The following MAPRE1 variants were observed in gnomAD, a reference collection of about 807,000 sequenced individuals.
MAPRE1 encodes the protein microtubule associated protein RP/EB family member 1.
MAPRE1 carries 5 observed loss-of-function variants against 32.1 expected under a neutral mutation model. The observed-to-expected ratio is 0.16, with a 90% CI of 0.08 to 0.33. The LOEUF is 0.33. Among genes scored for constraint, MAPRE1 ranks in the 10% least tolerant of loss-of-function variants. The pLI, the probability that MAPRE1 is intolerant of heterozygous loss-of-function variation, is 1.00. For missense variants in MAPRE1, 209 were observed against 327.2 expected (o/e 0.64, Z 2.79); for synonymous variants, 122 against 118.9 (o/e 1.03, Z -0.17).
intron 2 of MAPRE1, among the ~76,000 whole-genome samples, chr20:32,831,169 G>C (rs1335848470): frequency 6.6e-6 from 1 of 152,010 alleles, no homozygotes; most frequent in Non-Finnish European, 1.5e-5. Flanking sequence ...TAAAGGCCAG[G>C]TGTGGTAGTT....
rs71190880 is a variant in MAPRE1 at position 32,844,439 on chromosome 20, CTTTTTTTTTTTTTTT to C, written c.598-2162_598-2148del. 2.3e-3 allele frequency among the ~76,000 whole-genome samples: 118 copies of C among 52,070 alleles called. No homozygotes were observed. The Middle Eastern group carries it at 0.068, about 30-fold the overall frequency. 34.2% of individuals were successfully genotyped at this position (52,070 alleles called of 152,430 possible). On this transcript the variant is annotated intron_variant, in intron 5 of 6. Coordinates refer to ENST00000375571, the MANE Select transcript of MAPRE1 (RefSeq NM_012325.3). Reference sequence around the variant, plus strand: ...CTAGGTGGATACCAAGCTAGCATTCCTTTTTTTTTTTTTTTTTTTTTTTTTTTTTTTGTGGCGTGA... The same window carrying C: ...CTAGGTGGATACCAAGCTAGCATTCCTTTTTTTTTTTTTTTTGTGGCGTGA...
chr20:32,836,831 T>G lies in MAPRE1; in HGVS notation c.465T>G (p.Ser155=). The change falls in exon 4 of 7, where the codon TCT becomes TCG. Residue 155 remains serine (S), a synonymous_variant. Coordinates refer to ENST00000375571, the MANE Select transcript of MAPRE1 (RefSeq NM_012325.3). ...ATAAACCGAAGAAACCTCTCACTTC[T>G]AGCAGTGCAGGTAAAAAAACAACCC... ...ALNKPKKPLT[S]SSAAPQRPIS... is the part of the protein sequence containing the mutation. The G allele has an allele frequency of 6.2e-7, 1 of 1,601,484 alleles. No individual in the cohort carries two copies. The highest frequency in any genetic ancestry group is 8.5e-7 in the Non-Finnish European group (1 of 1,176,848).
Position 32,850,224 on chromosome 20 carries a change from A to G in MAPRE1, c.*1496A>G, listed in dbSNP as rs1983608036. On this transcript the variant is annotated 3_prime_UTR_variant, in exon 7 of 7. Transcript: ENST00000375571. ...CAGATTCAGTGATTAACAATGCCAA[A>G]AAATGCAAGTAACTAGCCATTGTTC... 1 of 152,648 alleles carries G rather than the reference A, an allele frequency of 6.6e-6. No homozygotes were observed. Among genetic ancestry groups the G allele is most frequent in the African/African-American group, 2.4e-5 (1 of 41,458 alleles). 9.5% of individuals were successfully genotyped at this position (152,648 alleles called of 1,614,324 possible). A position where few individuals can be genotyped will look rare whatever the true frequency, so the allele number is the denominator to read the frequency against.
rs1440977605 is a variant in MAPRE1 at position 32,836,763 on chromosome 20, C to A, written c.397C>A (p.Gln133Lys). The A allele has an allele frequency of 6.2e-7, 1 of 1,614,050 alleles. No individual in the cohort carries two copies. The highest frequency in any genetic ancestry group is 8.5e-7 in the Non-Finnish European group (1 of 1,180,028). The change falls in exon 4 of 7, where the codon CAA (glutamine) becomes AAA (lysine). Residue 133 changes from glutamine (Q) to lysine (K), a missense_variant. By Grantham distance (53) the Gln-to-Lys change is moderately conservative (BLOSUM62 1). This residue lies in a region of MAPRE1 where 106 missense variants were observed against 115.3 expected (regional missense o/e 0.92). Coordinates refer to ENST00000375571, the MANE Select transcript of MAPRE1 (RefSeq NM_012325.3). ...TGACCCTGTGGCTGCCAGACAAGGTCAAGAAACTGCAGTGGCTCCTTCCCT... is the reference window on the plus strand; with the variant it reads ...TGACCCTGTGGCTGCCAGACAAGGTAAAGAAACTGCAGTGGCTCCTTCCCT... ...DYDPVAARQG[Q>K]ETAVAPSLVA... is the part of the protein sequence containing the mutation.
chr20:32,837,478 C>T (rs913006979), intron 4 of MAPRE1, among the ~76,000 whole-genome samples: 4 of 152,086 alleles, frequency 2.6e-5, no homozygotes, highest in Non-Finnish European at 5.9e-5. Flanking sequence ...GTAGCTTTCC[C>T]AAGATGTGTT....
chr20:32,820,234 G>A (rs554898550), intron 1 of MAPRE1, among the ~76,000 whole-genome samples: 2 of 146,404 alleles, frequency 1.4e-5, no homozygotes, highest in Non-Finnish European at 3.0e-5. Context: ...CTCAGGGGGC[G>A]GGGTCTCGGG....
chr20:32,847,083 A>G (rs1490638249), intron 6 of MAPRE1, among the ~76,000 whole-genome samples: 2 of 152,092 alleles, frequency 1.3e-5, no homozygotes, highest in Admixed American at 6.5e-5. Flanking sequence ...CCCACCTCCT[A>G]TTGCTTGGAT....
At chr20:32,819,950 C>T (rs1444298567), upstream of MAPRE1, 90 of 102,288 alleles carry the variant, frequency 8.8e-4, 1 homozygote, top group East Asian at 0.03. Context: ...GGCGGGCGGG[C>T]GGGGTCTGGC....
chr20:32,824,066 T>C (rs1489315974), intron 1 of MAPRE1, among the ~76,000 whole-genome samples: 1 of 152,244 alleles, frequency 6.6e-6, no homozygotes, highest in African/African-American at 2.4e-5. Flanking sequence ...AGGCTTCCTC[T>C]GACCACATTC....
chr20:32,828,116 G>A (rs242546), intron 2 of MAPRE1, among the ~76,000 whole-genome samples: 44,065 of 151,870 alleles, frequency 0.29, 6,762 homozygotes, highest in East Asian at 0.56. Context: ...TGGTGCCCAA[G>A]AGTTGTGTTT....
At chr20:32,826,607 A>G (rs574823379) in intron 2 of MAPRE1, among the ~76,000 whole-genome samples, 58 of 140,060 alleles carry the variant, frequency 4.1e-4, no homozygotes, top group Non-Finnish European at 5.9e-4. Flanking sequence ...GCTCACTGCA[A>G]CCTTCGCCTC....
chr20:32,825,027 C>T (rs1340343481), intron 1 of MAPRE1, among the ~76,000 whole-genome samples: 2 of 151,778 alleles, frequency 1.3e-5, no homozygotes, highest in East Asian at 1.9e-4. Context: ...TGGCATGCGC[C>T]TGTAATCCCA....
chr20:32,830,266 G>A (rs972572484), intron 2 of MAPRE1, among the ~76,000 whole-genome samples: 13 of 152,132 alleles, frequency 8.5e-5, no homozygotes, highest in African/African-American at 2.4e-4. Flanking sequence ...ACAGCTTGGC[G>A]ATCTTGCTTC....
At chr20:32,848,272 G>A (rs950303749) in intron 6 of MAPRE1, among the ~76,000 whole-genome samples, 1 of 151,164 alleles carries the variant, frequency 6.6e-6, no homozygotes, top group Non-Finnish European at 1.5e-5. Context: ...TTGAACTTCT[G>A]GGCTCAAGCC....
At chr20:32,826,285 C>T (rs1281632325) in intron 2 of MAPRE1, among the ~76,000 whole-genome samples, 11 of 141,406 alleles carry the variant, frequency 7.8e-5, no homozygotes, top group South Asian at 2.3e-4. Context: ...GGCGCGATCT[C>T]GGCTCACTTC....
intron 5 of MAPRE1, among the ~76,000 whole-genome samples, chr20:32,840,925 TC>T (rs1983340073): frequency 6.6e-6 from 1 of 151,908 alleles, no homozygotes; most frequent in Non-Finnish European, 1.5e-5. Flanking sequence ...AAGGGATTCT[TC>T]CGCCTCAGCC....
intron 1 of MAPRE1, among the ~76,000 whole-genome samples, chr20:32,823,501 G>C (rs1294292803): frequency 6.6e-6 from 1 of 152,212 alleles, no homozygotes; most frequent in Non-Finnish European, 1.5e-5. Flanking sequence ...ATTTGATTTA[G>C]ATCTGGATTA....
intron 1 of MAPRE1, among the ~76,000 whole-genome samples, chr20:32,821,034 T>C (rs1982684512): frequency 6.6e-6 from 1 of 151,990 alleles, no homozygotes. Flanking sequence ...CTTTTTTTTT[T>C]TTTTTTGAGA....
chr20:32,829,578 G>T (rs184504836), intron 2 of MAPRE1, among the ~76,000 whole-genome samples: 1 of 152,346 alleles, frequency 6.6e-6, no homozygotes, highest in Non-Finnish European at 1.5e-5. Context: ...GCTGGTGCCA[G>T]ATCCTTCCTA....
Sources: gnomAD v4.1 joint callset for allele counts (sites outside exome capture counted in the v4.1 genomes callset) on GRCh38, gnomAD v4.1.1 for gene constraint, gnomAD v4.1.1 regional missense constraint, MANE v1.5 for transcripts, NCBI Gene and HGNC (gene_info 2026-07-23, HGNC 2026-07-21) for gene names.